Variants in SEMA3D observed in about 807,000 individuals in gnomAD.
SEMA3D encodes semaphorin-3D.
Under a neutral mutation model 100.1 loss-of-function variants are expected in SEMA3D, and 84 were observed. The observed-to-expected ratio is 0.84, with a 90% CI of 0.70 to 1.01. SEMA3D has a LOEUF of 1.01. Among genes scored for constraint, SEMA3D ranks in the 50% least tolerant of loss-of-function variants. The pLI, the probability that SEMA3D is intolerant of heterozygous loss-of-function variation, is 0.00. For synonymous variants in SEMA3D, 312 were observed against 320.7 expected, an observed-to-expected ratio of 0.97 and a Z score of 0.29; for missense variants, 875 against 934.1, an observed-to-expected ratio of 0.94 and a Z score of 0.82.
intron 1 of SEMA3D, among the ~76,000 whole-genome samples, chr7:85,154,574 CT>C (rs1790527542): frequency 6.6e-6 from 1 of 152,120 alleles, no homozygotes; most frequent in South Asian, 2.1e-4. Flanking sequence ...ATGAAATGCA[CT>C]TGCACAGTTT....
chr7:85,083,929 C>T (rs1583906565), intron 4 of SEMA3D, among the ~76,000 whole-genome samples: 1 of 151,512 alleles, frequency 6.6e-6, no homozygotes, highest in Non-Finnish European at 1.5e-5. Context: ...AGGCAGATCA[C>T]GAGGTCAGGA....
At chr7:85,065,575 C>A (rs1410570121) in intron 7 of SEMA3D, 23 bp from the exon 8 acceptor site, 1 of 1,602,790 alleles carries the variant, frequency 6.2e-7, no homozygotes, top group Non-Finnish European at 8.5e-7. Context: ...AAAAAGTACA[C>A]AGAACTTTTA....
At chr7:85,198,381 A>G in the SEMA3D span, among the ~76,000 whole-genome samples, 6 of 151,972 alleles carry the variant, frequency 3.9e-5, no homozygotes, top group Non-Finnish European at 5.9e-5. Flanking sequence ...TATTCTGCAA[A>G]CTTTTGGAAT....
At chr7:85,096,054 T>C (rs2116306566) in intron 4 of SEMA3D, among the ~76,000 whole-genome samples, 1 of 152,104 alleles carries the variant, frequency 6.6e-6, no homozygotes, top group South Asian at 2.1e-4. Context: ...ATGAATTGCT[T>C]TTTGCTAGTA....
At chr7:85,142,207 T>C in intron 2 of SEMA3D, 1 of 983,400 alleles carries the variant, frequency 1.0e-6, no homozygotes, top group South Asian at 4.7e-5. Flanking sequence ...CTCAATTGCT[T>C]ATTTAATCAA....
intron 1 of SEMA3D, among the ~76,000 whole-genome samples, chr7:85,181,986 T>C (rs564991679): frequency 2.0e-5 from 3 of 152,340 alleles, no homozygotes; most frequent in African/African-American, 7.2e-5. Context: ...TGTATAAATG[T>C]CTACTAATCT....
intron 1 of SEMA3D, among the ~76,000 whole-genome samples, chr7:85,171,236 G>A (rs1250526378): frequency 1.3e-5 from 2 of 151,996 alleles, no homozygotes; most frequent in African/African-American, 4.8e-5. Context: ...TACTGGAAAA[G>A]CAACAAGGCT....
chr7:85,153,526 G>C (rs960163695), intron 2 of SEMA3D, 82 bp downstream of exon 2: 17 of 149,284 alleles, frequency 1.1e-4, no homozygotes, highest in African/African-American at 4.2e-4. Flanking sequence ...GAACAAGTAG[G>C]AGAAATGCAT....
At chr7:85,143,442 G>C (rs1790111954) in intron 2 of SEMA3D, 2 of 153,184 alleles carry the variant, frequency 1.3e-5, no homozygotes, top group Admixed American at 1.3e-4. Context: ...ATAGGGTATA[G>C]CCCATTGCTC....
chr7:85,022,303 G>A (rs1790276296), intron 13 of SEMA3D, 88 bp downstream of exon 13: 12 of 852,764 alleles, frequency 1.4e-5, no homozygotes, highest in Non-Finnish European at 3.9e-6. Context: ...TTTTTATTTT[G>A]ACCAATAAAT....
At chr7:85,202,680 A>G in the SEMA3D span, among the ~76,000 whole-genome samples, 8 of 152,200 alleles carry the variant, frequency 5.3e-5, no homozygotes, top group Admixed American at 3.9e-4. Context: ...AAGTGGGCGA[A>G]AGACATGAAC....
At chr7:85,014,006 T>C (rs1790029175) in intron 16 of SEMA3D, among the ~76,000 whole-genome samples, 1 of 151,788 alleles carries the variant, frequency 6.6e-6, no homozygotes, top group Admixed American at 6.6e-5. Context: ...CTTTTAACTT[T>C]TAATTTCTAA....
At chr7:85,080,972 T>G (rs1788041202) in intron 5 of SEMA3D, among the ~76,000 whole-genome samples, 2 of 152,212 alleles carry the variant, frequency 1.3e-5, no homozygotes, top group South Asian at 4.1e-4. Flanking sequence ...TACATAAATT[T>G]CAGAGGAAGT....
intron 4 of SEMA3D, among the ~76,000 whole-genome samples, chr7:85,089,344 A>C (rs557043249): frequency 6.6e-6 from 1 of 152,110 alleles, no homozygotes; most frequent in East Asian, 1.9e-4. Context: ...AATACCTGTC[A>C]ATTTTATTAT....
intron 6 of SEMA3D, 131 bp from the exon 7 acceptor site, chr7:85,068,415 G>C: frequency 1.7e-6 from 1 of 598,718 alleles, no homozygotes; most frequent in Non-Finnish European, 3.0e-6. Context: ...TGTGCATAAT[G>C]CTGAACTCCT....
intron 2 of SEMA3D, among the ~76,000 whole-genome samples, chr7:85,127,748 G>A (rs1430823570): frequency 6.6e-6 from 1 of 152,056 alleles, no homozygotes; most frequent in East Asian, 1.9e-4. Context: ...TCAATTTGAA[G>A]GGTCAGAGAA....
At chr7:85,000,374 T>G (rs1179652692) in intron 18 of SEMA3D, among the ~76,000 whole-genome samples, 1 of 152,170 alleles carries the variant, frequency 6.6e-6, no homozygotes, top group Non-Finnish European at 1.5e-5. Context: ...CAAGTGGAAT[T>G]TACTGCTTTC....
intron 1 of SEMA3D, among the ~76,000 whole-genome samples, chr7:85,157,234 A>C (rs187582192): frequency 1.2e-3 from 183 of 152,354 alleles, no homozygotes; most frequent in African/African-American, 4.2e-3. Context: ...AAAATGTGGC[A>C]GTTAATAAAT....
At chr7:85,074,365 A>G (rs1791862072) in intron 5 of SEMA3D, among the ~76,000 whole-genome samples, 1 of 152,210 alleles carries the variant, frequency 6.6e-6, no homozygotes, top group African/African-American at 2.4e-5. Context: ...AAAAAACCCA[A>G]CAATAGACAA....
Sources: gnomAD v4.1 joint callset for allele counts (sites outside exome capture counted in the v4.1 genomes callset) on GRCh38, gnomAD v4.1.1 for gene constraint, MANE v1.5 for transcripts, NCBI Gene and HGNC (gene_info 2026-07-23, HGNC 2026-07-21) for gene names.